DGKH: variants seen among roughly 807,000 people sequenced by gnomAD.
The protein encoded by DGKH is diacylglycerol kinase eta.
DGKH carries 90 observed loss-of-function variants against 159.3 expected under a neutral mutation model. The observed-to-expected ratio is 0.57, with a 90% CI of 0.48 to 0.67. DGKH has a LOEUF of 0.67. DGKH is among the 30% of genes least tolerant of loss of function. DGKH has a pLI of 0.00. For synonymous variants in DGKH, 536 were observed against 553.8 expected (o/e 0.97, Z 0.45); for missense variants, 1,181 against 1,506.1 (o/e 0.78, Z 3.57).
At chr13:42,172,906 C>A (rs980382814) in intron 11 of DGKH, among the ~76,000 whole-genome samples, 1 of 151,962 alleles carries the variant, frequency 6.6e-6, no homozygotes, top group Non-Finnish European at 1.5e-5. Flanking sequence ...AACTCCTGAC[C>A]GCAGGTGATC....
intron 1 of DGKH, among the ~76,000 whole-genome samples, chr13:42,055,507 G>A (rs1032380607): frequency 2.0e-5 from 3 of 152,066 alleles, no homozygotes; most frequent in South Asian, 2.1e-4. Flanking sequence ...TAACGATGCC[G>A]TATTTTAAAG....
At chr13:42,124,532 A>AGGCTTCGGG (rs1955132991) in intron 1 of DGKH, among the ~76,000 whole-genome samples, 1 of 152,160 alleles carries the variant, frequency 6.6e-6, no homozygotes, top group Non-Finnish European at 1.5e-5. Context: ...AAAAATAAGT[A>AGGCTTCGGG]GGCTTTGGGG....
At chr13:42,206,907 A>G (rs1224715642) in intron 21 of DGKH, among the ~76,000 whole-genome samples, 1 of 151,412 alleles carries the variant, frequency 6.6e-6, no homozygotes, top group Non-Finnish European at 1.5e-5. Flanking sequence ...GGATTAGGAC[A>G]TGGACATTTT....
intron 14 of DGKH, among the ~76,000 whole-genome samples, chr13:42,188,677 T>A (rs909848432): frequency 6.6e-6 from 1 of 152,210 alleles, no homozygotes; most frequent in Admixed American, 6.5e-5. Flanking sequence ...AATAGCTGTA[T>A]AAATATTATA....
intron 7 of DGKH, among the ~76,000 whole-genome samples, chr13:42,163,277 G>A (rs1282215237): frequency 1.3e-5 from 2 of 151,974 alleles, no homozygotes; most frequent in African/African-American, 2.4e-5. Context: ...GGACATTTGG[G>A]TTGGTTCCAA....
At chr13:42,121,129 C>T (rs1172791433) in intron 1 of DGKH, among the ~76,000 whole-genome samples, 2 of 147,786 alleles carry the variant, frequency 1.4e-5, no homozygotes, top group Non-Finnish European at 3.0e-5. Flanking sequence ...CAAGACATTC[C>T]CTGACTTACA....
rs553484513 is a variant in DGKH at position 42,065,117 on chromosome 13, A to G, written c.192+16152A>G. 6.6e-5 allele frequency among the ~76,000 whole-genome samples: 10 copies of G among 152,338 alleles called. No homozygotes were observed. The South Asian group carries it at 8.3e-4, about 13-fold the overall frequency. ...CTTGACGTGAAGGGCACTTTTTCCA[A>G]TAGGGCACCTCCGAACGTCAGAAGG... On this transcript the variant is annotated intron_variant, in intron 1 of 29. Coordinates refer to ENST00000337343, the MANE Select transcript of DGKH (RefSeq NM_178009.5).
intron 28 of DGKH, chr13:42,221,047 G>A (rs9594710): frequency 0.15 from 68,979 of 468,620 alleles, 6,109 homozygotes; most frequent in Admixed American, 0.25. Context: ...ATGGGTGCAC[G>A]GCAGCAAATG....
Position 42,069,162 on chromosome 13 carries a change from C to T in DGKH, c.192+20197C>T, listed in dbSNP as rs567486332. 6 of 1,367,066 alleles carry T rather than the reference C, an allele frequency of 4.4e-6. No individual in the cohort carries two copies. The South Asian group carries it at 6.5e-5, about 15-fold the overall frequency. 84.7% of individuals were successfully genotyped at this position (1,367,066 alleles called of 1,614,324 possible). On this transcript the variant is annotated intron_variant, in intron 1 of 29. Transcript: ENST00000337343. ...CCCCAAGCTTCCCATCCTCTACTGGCTCAGTTTCTAGCATTTCAGGATCTT... is the reference window on the plus strand; with the variant it reads ...CCCCAAGCTTCCCATCCTCTACTGGTTCAGTTTCTAGCATTTCAGGATCTT...
At chr13:42,059,397 G>A (rs897985474) in intron 1 of DGKH, among the ~76,000 whole-genome samples, 1 of 151,782 alleles carries the variant, frequency 6.6e-6, no homozygotes, top group Non-Finnish European at 1.5e-5. Context: ...TTACAGGTGC[G>A]TGCCACTGTG....
In DGKH at chr13:42,189,074, G is replaced by A; in HGVS notation, c.1677G>A (p.Gln559=). Residue 559 remains glutamine (Q), a synonymous_variant, in exon 15 of 30, where the codon CAG becomes CAA. Transcript: ENST00000337343. ...VLNEKLEQLL[Q]ALHTDSQAAP... is the part of the protein sequence containing the mutation. ...ACGAGAAGCTCGAACAACTGCTGCA[G>A]GCTTTGCACACAGATTCCCAGGCTG... is the stretch of plus-strand genomic sequence containing the variant. The A allele has an allele frequency of 6.2e-7, 1 of 1,614,140 alleles. No homozygotes were observed. Among genetic ancestry groups the A allele is most frequent in the South Asian group, 1.1e-5 (1 of 91,076 alleles).
intron 30 of DGKH, among the ~76,000 whole-genome samples, chr13:42,255,494 G>T (rs1490315950): frequency 2.0e-5 from 3 of 152,050 alleles, no homozygotes; most frequent in Non-Finnish European, 4.4e-5. Flanking sequence ...AAATAACAAG[G>T]TTTTTGGCTT....
In DGKH at chr13:42,164,199, T is replaced by G. The variant is rs183923812; in HGVS notation, c.856-1132T>G. On this transcript the variant is annotated intron_variant, in intron 7 of 29. Transcript: ENST00000337343. ...TGAATCAACTTATAATTTTTCCTACTGTCATCCAGGTCTGTGGACATAGTT... is the reference window on the plus strand; with the variant it reads ...TGAATCAACTTATAATTTTTCCTACGGTCATCCAGGTCTGTGGACATAGTT... 2.3e-4 allele frequency among the ~76,000 whole-genome samples: 35 copies of G among 152,374 alleles called. No individual in the cohort carries two copies. In the East Asian group the frequency reaches 5.8e-3, roughly 25 times the overall value.
intron 20 of DGKH, among the ~76,000 whole-genome samples, chr13:42,205,295 CTAAT>C (rs1473500619): frequency 6.6e-5 from 10 of 152,176 alleles, no homozygotes; most frequent in South Asian, 6.2e-4. Flanking sequence ...AGTTTCATAA[CTAAT>C]TGTTTCCTTA....
At chr13:42,244,654 C>T (rs1047229228), downstream of DGKH, among the ~76,000 whole-genome samples, 3 of 152,016 alleles carry the variant, frequency 2.0e-5, no homozygotes, top group Non-Finnish European at 4.4e-5. Flanking sequence ...CCTGTAATCC[C>T]AGCACTTTGG....
chr13:42,198,652 TCAACATGAACTGTAACA>T, intron 18 of DGKH, 57 bp downstream of exon 18: 6 of 1,137,784 alleles, frequency 5.3e-6, no homozygotes, highest in Non-Finnish European at 6.5e-6. Context: ...TTTTTTTTTT[TCAACATGAACTGTAACA>T]TTTTAAATGT....
intron 3 of DGKH, among the ~76,000 whole-genome samples, chr13:42,141,670 A>T (rs998518284): frequency 1.3e-5 from 2 of 152,026 alleles, no homozygotes; most frequent in Admixed American, 6.6e-5. Flanking sequence ...GCATTTTTTC[A>T]TGTGTCTTTT....
intron 1 of DGKH, among the ~76,000 whole-genome samples, chr13:42,041,789 T>A (rs1880524484): frequency 6.6e-6 from 1 of 152,162 alleles, no homozygotes; most frequent in Non-Finnish European, 1.5e-5. Flanking sequence ...TTGCTACTCC[T>A]TCTTGGTTGA....
At chr13:42,197,195 A>G (rs1359329362) in intron 17 of DGKH, among the ~76,000 whole-genome samples, 1 of 146,230 alleles carries the variant, frequency 6.8e-6, no homozygotes, top group East Asian at 2.0e-4. Context: ...GGTTGCAGTG[A>G]TCTGAGATCA....
Sources: gnomAD v4.1 joint callset for allele counts (sites outside exome capture counted in the v4.1 genomes callset) on GRCh38, gnomAD v4.1.1 for gene constraint, MANE v1.5 for transcripts, NCBI Gene and HGNC (gene_info 2026-07-23, HGNC 2026-07-21) for gene names.